The following GALNT13 variants were observed in gnomAD, a reference collection of about 807,000 sequenced individuals.
GALNT13 encodes polypeptide N-acetylgalactosaminyltransferase 13.
In GALNT13, 28 loss-of-function variants were observed where a neutral mutation model predicts 64.2. That is an observed-to-expected ratio of 0.44 (90% CI 0.32 to 0.60). The LOEUF (loss-of-function observed/expected upper bound fraction) is 0.60. Ranked by LOEUF, GALNT13 falls within the 20% of genes least tolerant of loss-of-function variation. GALNT13 has a pLI of 0.05. For synonymous variants in GALNT13, 214 were observed against 224.6 expected (o/e 0.95, Z 0.42); for missense variants, 577 against 669.8 (o/e 0.86, Z 1.53).
the GALNT13 span, among the ~76,000 whole-genome samples, chr2:153,157,149 A>G: frequency 6.6e-6 from 1 of 152,220 alleles, no homozygotes; most frequent in East Asian, 1.9e-4. Flanking sequence ...TTTGTTTTTT[A>G]ACAATAATCA....
At chr2:154,440,329 T>A (rs908574984) in intron 12 of GALNT13, among the ~76,000 whole-genome samples, 1 of 152,274 alleles carries the variant, frequency 6.6e-6, no homozygotes. Flanking sequence ...GAGTGAACAA[T>A]GTCATAACTC....
intron 3 of GALNT13, among the ~76,000 whole-genome samples, chr2:154,034,256 G>T (rs1006413092): frequency 6.6e-6 from 1 of 152,074 alleles, no homozygotes; most frequent in Non-Finnish European, 1.5e-5. Context: ...ACAAATGGTG[G>T]TATAACCTTA....
At chr2:154,117,157 C>T (rs754072013) in intron 3 of GALNT13, among the ~76,000 whole-genome samples, 6 of 152,072 alleles carry the variant, frequency 3.9e-5, no homozygotes, top group Non-Finnish European at 7.4e-5. Context: ...TGGCACCCAC[C>T]GAGATTAAGT....
the GALNT13 span, among the ~76,000 whole-genome samples, chr2:153,572,956 A>G: frequency 9.2e-5 from 14 of 151,740 alleles, no homozygotes; most frequent in African/African-American, 3.1e-4. Context: ...TATTAGATCC[A>G]TTTGGTCAAT....
rs1186510079 is a variant in GALNT13 at position 153,983,293 on chromosome 2, ATTAC to A, written c.142+38659_142+38662del. 1.1e-4 allele frequency among the ~76,000 whole-genome samples: 16 copies of A among 151,964 alleles called. No individual in the cohort carries two copies. The South Asian group carries it at 1.2e-3, about 12-fold the overall frequency. On this transcript the variant is annotated intron_variant, in intron 3 of 12. Transcript: ENST00000392825. ...GTCTTATAGTAGCTTAGAAAATATAATTACTTACGGTATGAAAATATTATCAATT... is the reference window on the plus strand; with the variant it reads ...GTCTTATAGTAGCTTAGAAAATATAATTACGGTATGAAAATATTATCAATT...
intron 11 of GALNT13, among the ~76,000 whole-genome samples, chr2:154,413,924 A>G (rs556844467): frequency 6.6e-6 from 1 of 152,218 alleles, no homozygotes; most frequent in African/African-American, 2.4e-5. Flanking sequence ...TGTAGCTAAA[A>G]TCTGGCAAGC....
chr2:154,294,527 T>G (rs1692809137), intron 8 of GALNT13, among the ~76,000 whole-genome samples: 1 of 152,134 alleles, frequency 6.6e-6, no homozygotes, highest in Admixed American at 6.5e-5. Flanking sequence ...TGTCACAAGG[T>G]TTATGACCAA....
the GALNT13 span, among the ~76,000 whole-genome samples, chr2:153,846,568 T>C: frequency 6.6e-6 from 1 of 152,122 alleles, no homozygotes; most frequent in Admixed American, 6.5e-5. Context: ...ATGTAAATGC[T>C]CTAACAAATA....
the GALNT13 span, among the ~76,000 whole-genome samples, chr2:153,164,648 TG>T: frequency 1.3e-5 from 2 of 152,172 alleles, no homozygotes; most frequent in South Asian, 2.1e-4. Flanking sequence ...AATTTTCTTG[TG>T]TTTTTTTTGT....
At chr2:154,159,654 G>T (rs1313935352) in intron 4 of GALNT13, among the ~76,000 whole-genome samples, 1 of 152,030 alleles carries the variant, frequency 6.6e-6, no homozygotes, top group South Asian at 2.1e-4. Context: ...GATCTGTATT[G>T]GGATGAGTTA....
chr2:153,476,616 G>A, the GALNT13 span, among the ~76,000 whole-genome samples: 1 of 152,056 alleles, frequency 6.6e-6, no homozygotes, highest in Non-Finnish European at 1.5e-5. Context: ...TCCCAGTTGG[G>A]GTTGTAATAC....
At chr2:153,275,345 G>A in the GALNT13 span, among the ~76,000 whole-genome samples, 1 of 152,092 alleles carries the variant, frequency 6.6e-6, no homozygotes, top group Non-Finnish European at 1.5e-5. Context: ...GTTATATTAC[G>A]GTATTAAGAG....
the GALNT13 span, among the ~76,000 whole-genome samples, chr2:153,408,750 G>A: frequency 6.6e-6 from 1 of 151,622 alleles, no homozygotes; most frequent in African/African-American, 2.4e-5. Context: ...AAACTAATTA[G>A]CCTATTGTGA....
chr2:154,319,098 A>G (rs890133842), intron 9 of GALNT13, among the ~76,000 whole-genome samples: 4 of 152,192 alleles, frequency 2.6e-5, no homozygotes, highest in African/African-American at 9.7e-5. Context: ...TAAAAACTCA[A>G]CGGAAACCAC....
chr2:154,408,452 T>C (rs993964485), intron 10 of GALNT13, among the ~76,000 whole-genome samples: 1 of 152,082 alleles, frequency 6.6e-6, no homozygotes, highest in Non-Finnish European at 1.5e-5. Flanking sequence ...TGAAAGAAGA[T>C]GCATGAAAAT....
chr2:154,071,816 C>T (rs1700753477), intron 3 of GALNT13, among the ~76,000 whole-genome samples: 1 of 152,004 alleles, frequency 6.6e-6, no homozygotes, highest in Non-Finnish European at 1.5e-5. Context: ...AATTTTCATC[C>T]TTTTACTTGG....
intron 11 of GALNT13, among the ~76,000 whole-genome samples, chr2:154,424,130 G>T (rs966675750): frequency 1.3e-5 from 2 of 152,066 alleles, no homozygotes; most frequent in African/African-American, 4.8e-5. Flanking sequence ...ATTGTTGGAT[G>T]GGATCTTGGA....
chr2:153,631,905 C>T, the GALNT13 span, among the ~76,000 whole-genome samples: 87 of 152,018 alleles, frequency 5.7e-4, no homozygotes, highest in Middle Eastern at 3.4e-3. Flanking sequence ...TGAATGGTAT[C>T]GCCTAGGTTT....
At chr2:153,965,923 C>T (rs1693302971) in intron 3 of GALNT13, among the ~76,000 whole-genome samples, 1 of 151,400 alleles carries the variant, frequency 6.6e-6, no homozygotes, top group Non-Finnish European at 1.5e-5. Context: ...GTTTTAGTTA[C>T]TATTTTTGAT....
Sources: allele counts gnomAD v4.1 joint callset (sites outside exome capture counted in the v4.1 genomes callset), GRCh38; gene constraint gnomAD v4.1.1; transcripts MANE v1.5; gene names NCBI Gene and HGNC (gene_info 2026-07-23, HGNC 2026-07-21).